EDEM2: variants seen among roughly 807,000 people sequenced by gnomAD.
EDEM2 encodes ER degradation-enhancing alpha-mannosidase-like protein 2.
In EDEM2, 39 loss-of-function variants were observed where a neutral mutation model predicts 64.8. The ratio of observed to expected loss-of-function variants is 0.60; its 90% CI spans 0.47 to 0.79. The LOEUF is 0.79. Among genes scored for constraint, EDEM2 ranks in the 30% least tolerant of loss-of-function variants. The pLI is 0.00. For missense variants in EDEM2, 609 were observed against 731.3 expected, an observed-to-expected ratio of 0.83 and a Z score of 1.93; for synonymous variants, 296 against 291.5, an observed-to-expected ratio of 1.02 and a Z score of -0.16.
intron 6 of EDEM2, among the ~76,000 whole-genome samples, chr20:35,133,469 CT>C (rs113332647): frequency 2.2e-3 from 315 of 142,366 alleles, no homozygotes; most frequent in Non-Finnish European, 2.2e-3. Context: ...AGCGGGGCAC[CT>C]TTTTTTTTTT....
intron 7 of EDEM2, among the ~76,000 whole-genome samples, chr20:35,129,022 T>C (rs139861241): frequency 5.9e-4 from 90 of 151,658 alleles, no homozygotes; most frequent in African/African-American, 2.1e-3. Context: ...CCCAGCACTT[T>C]GGGAGGCCAA....
At chr20:35,120,343 G>A (rs908380217) in intron 9 of EDEM2, among the ~76,000 whole-genome samples, 4 of 152,214 alleles carry the variant, frequency 2.6e-5, no homozygotes, top group East Asian at 1.9e-4. Flanking sequence ...GATAACAGGC[G>A]TGAGTCACTG....
chr20:35,142,727 C>G (rs1328551081), intron 3 of EDEM2, among the ~76,000 whole-genome samples: 2 of 152,108 alleles, frequency 1.3e-5, no homozygotes, highest in African/African-American at 2.4e-5. Context: ...TAAATGGACA[C>G]AATATAAAGA....
chr20:35,143,463 A>G (rs1291710295), intron 3 of EDEM2, among the ~76,000 whole-genome samples: 1 of 152,248 alleles, frequency 6.6e-6, no homozygotes, highest in Non-Finnish European at 1.5e-5. Context: ...GCAAAGCTAC[A>G]AAGAGGCTGG....
intron 6 of EDEM2, among the ~76,000 whole-genome samples, 194 bp from the exon 7 acceptor site, chr20:35,131,977 T>C (rs2085512013): frequency 6.6e-6 from 1 of 152,182 alleles, no homozygotes; most frequent in Non-Finnish European, 1.5e-5. Flanking sequence ...ATAGTAGAGA[T>C]GCATCTCATG....
At chr20:35,134,021 C>T in intron 6 of EDEM2, 1 of 448,368 alleles carries the variant, frequency 2.2e-6, no homozygotes, top group Non-Finnish European at 4.5e-6. Context: ...CCAGTTCTGA[C>T]TAAATCCAGT....
chr20:35,116,066 A>T, intron 10 of EDEM2, 133 bp from the exon 11 acceptor site: 1 of 939,728 alleles, frequency 1.1e-6, no homozygotes, highest in East Asian at 2.6e-5. Context: ...AACTTTTCAG[A>T]ACTTCACTCT....
At chr20:35,132,518 G>A (rs1484434723) in intron 6 of EDEM2, among the ~76,000 whole-genome samples, 1 of 152,002 alleles carries the variant, frequency 6.6e-6, no homozygotes, top group Non-Finnish European at 1.5e-5. Flanking sequence ...GCCAGGCATG[G>A]TGGTGTGTGC....
rs554644800 is a variant in EDEM2, at chr20:35,132,690, T to C, written c.703-907A>G. 2.9e-3 allele frequency among the ~76,000 whole-genome samples: 439 copies of C among 152,214 alleles called. 2 individuals are homozygous for C. The highest frequency in any genetic ancestry group is 4.7e-3 in the Non-Finnish European group (322 of 67,992). Reference sequence around the variant, plus strand: ...CAAAGATACGTATTTTTCTATTTTATTGTATTTATTTTATTTTTTGTATTT... The same window carrying C: ...CAAAGATACGTATTTTTCTATTTTACTGTATTTATTTTATTTTTTGTATTT... On this transcript the variant is annotated intron_variant, in intron 6 of 10. Transcript: ENST00000374492.
At chr20:35,129,155 C>T (rs1180524791) in intron 7 of EDEM2, among the ~76,000 whole-genome samples, 1 of 152,084 alleles carries the variant, frequency 6.6e-6, no homozygotes, top group Non-Finnish European at 1.5e-5. Context: ...GCCTGTAATC[C>T]TAGCACTTTG....
intron 8 of EDEM2, 91 bp downstream of exon 8, chr20:35,126,160 T>C (rs2295885): frequency 0.71 from 1,071,184 of 1,518,340 alleles, 379,439 homozygotes; most frequent in Admixed American, 0.84. Flanking sequence ...ACTCAAGCAA[T>C]TAACAAAGTA....
Position 35,146,807 on chromosome 20 carries a change from C to T in EDEM2, c.218+18G>A, listed in dbSNP as rs1427360583. 1 of 1,611,910 alleles carries T rather than the reference C, an allele frequency of 6.2e-7. No individual in the cohort carries two copies. The highest frequency in any genetic ancestry group is 2.2e-5 in the East Asian group (1 of 44,738). ...AGAGTCAGACCCTGGCCGCCCCTTG[C>T]CCCTCCGCTCGCACTACCTGCCCCA... On this transcript the variant is annotated intron_variant, in intron 2 of 10. Coordinates refer to ENST00000374492, the MANE Select transcript of EDEM2 (RefSeq NM_018217.3).
intron 6 of EDEM2, among the ~76,000 whole-genome samples, chr20:35,133,026 C>T (rs773752613): frequency 1.2e-4 from 18 of 152,116 alleles, no homozygotes; most frequent in Admixed American, 3.9e-4. Flanking sequence ...GGAAGTGAGG[C>T]AGGGCAAGGG....
intron 6 of EDEM2, chr20:35,134,041 T>C (rs1320475132): frequency 2.2e-5 from 10 of 454,800 alleles, no homozygotes; most frequent in Middle Eastern, 3.2e-4. Context: ...TGTTATGTCC[T>C]GGATGGCTTT....
chr20:35,138,949 C>T (rs2085614736), intron 4 of EDEM2, among the ~76,000 whole-genome samples: 1 of 152,078 alleles, frequency 6.6e-6, no homozygotes, highest in South Asian at 2.1e-4. Flanking sequence ...TCCTGAGTGG[C>T]CCTCTCAATG....
rs1329567522 is a variant in EDEM2 at position 35,115,840 on chromosome 20, T to C, written c.1330A>G (p.Thr444Ala). The change falls in exon 11 of 11, where the codon ACC (threonine) becomes GCC (alanine). Residue 444 changes from threonine (T) to alanine (A), a missense_variant. Thr to Ala is a moderately conservative substitution (Grantham distance 58). Coordinates refer to ENST00000374492, the MANE Select transcript of EDEM2 (RefSeq NM_018217.3). Reference protein sequence around the residue: ...VKYLYLLFDPTNFIHNNGSTF... With the variant: ...VKYLYLLFDPANFIHNNGSTF... ...GACCCATTGTTGTGGATGAAGTTGG[T>C]TGGGTCAAACAGGAGGTAGAGGTAT... 1.2e-6 allele frequency: 2 copies of C among 1,613,658 alleles called. No homozygotes were observed. The highest frequency in any genetic ancestry group is 1.7e-6 in the Non-Finnish European group (2 of 1,180,018).
chr20:35,116,003 TAAG>T (rs1159406052), intron 10 of EDEM2, 70 bp from the exon 11 acceptor site: 27 of 1,529,782 alleles, frequency 1.8e-5, no homozygotes, highest in African/African-American at 2.7e-5. Flanking sequence ...GGCAATCCCT[TAAG>T]AAGGCCTGTT....
intron 10 of EDEM2, among the ~76,000 whole-genome samples, chr20:35,116,675 G>T (rs2085313222): frequency 6.6e-6 from 1 of 151,986 alleles, no homozygotes; most frequent in South Asian, 2.1e-4. Context: ...CCAACTTTTT[G>T]TGACTATAAA....
chr20:35,131,655 C>T lies in EDEM2; in HGVS notation c.831G>A (p.Met277Ile), dbSNP rs994971704. The T allele has an allele frequency of 9.3e-6, 15 of 1,613,938 alleles. No homozygotes were observed. Among genetic ancestry groups the T allele is most frequent in the Admixed American group, 1.7e-5 (1 of 60,004 alleles). ...TGCCATTTTTACCTAGGAACATGGC[C>T]ATGAGCTTCTTATCCTGAAGCAGGA... ...GAILLQDKKL[M>I]AMFLEYNKAI... The change falls in exon 7 of 11, where the codon ATG becomes ATA. Residue 277 changes from methionine to isoleucine, a missense_variant. Coordinates refer to ENST00000374492, the MANE Select transcript of EDEM2 (RefSeq NM_018217.3).
Sources: allele counts gnomAD v4.1 joint callset (sites outside exome capture counted in the v4.1 genomes callset), GRCh38; gene constraint gnomAD v4.1.1; transcripts MANE v1.5; gene names NCBI Gene and HGNC (gene_info 2026-07-23, HGNC 2026-07-21).